HECTD4: variants seen among roughly 807,000 people sequenced by gnomAD.
HECTD4 encodes the protein HECT domain E3 ubiquitin protein ligase 4.
Under a neutral mutation model 471.5 loss-of-function variants are expected in HECTD4, and 114 were observed. The ratio of observed to expected loss-of-function variants is 0.24; its 90% CI spans 0.21 to 0.28. The LOEUF (loss-of-function observed/expected upper bound fraction) is 0.28. Among genes scored for constraint, HECTD4 ranks in the 10% least tolerant of loss-of-function variants. The pLI, the probability that HECTD4 is intolerant of heterozygous loss-of-function variation, is 1.00. For synonymous variants in HECTD4, 2,012 were observed against 2,256.0 expected, an observed-to-expected ratio of 0.89 and a Z score of 3.07; for missense variants, 3,866 against 5,651.5, an observed-to-expected ratio of 0.68 and a Z score of 10.13.
chr12:112,174,005 T>C (rs2137011415), intron 66 of HECTD4, among the ~76,000 whole-genome samples: 1 of 151,964 alleles, frequency 6.6e-6, no homozygotes, highest in Middle Eastern at 3.4e-3. Flanking sequence ...GAGTTGGAGT[T>C]TCACTCTTGT....
At chr12:112,219,235 T>C (rs111308625) in intron 45 of HECTD4, 151 bp downstream of exon 45, 16 of 464,236 alleles carry the variant, frequency 3.4e-5, no homozygotes, top group African/African-American at 2.4e-4. Context: ...GATGAGAGCA[T>C]GGCACCGCAA....
At chr12:112,312,624 G>T (rs1276686612) in intron 4 of HECTD4, among the ~76,000 whole-genome samples, 1 of 152,132 alleles carries the variant, frequency 6.6e-6, no homozygotes, top group African/African-American at 2.4e-5. Flanking sequence ...GGACAGGAGG[G>T]CTCATTAACA....
At chr12:112,325,900 C>A (rs748012470) in intron 1 of HECTD4, among the ~76,000 whole-genome samples, 40 of 151,504 alleles carry the variant, frequency 2.6e-4, no homozygotes, top group Non-Finnish European at 5.6e-4. Context: ...ACGATCATGG[C>A]TCACTGCAGC....
intron 29 of HECTD4, 129 bp from the exon 30 acceptor site, chr12:112,244,138 G>T: frequency 1.3e-6 from 1 of 789,832 alleles, no homozygotes; most frequent in Non-Finnish European, 2.0e-6. Context: ...AATCTAGCTA[G>T]CACAGCATAC....
At chr12:112,201,874 T>C (rs1566070468) in intron 54 of HECTD4, among the ~76,000 whole-genome samples, 1 of 152,228 alleles carries the variant, frequency 6.6e-6, no homozygotes, top group Non-Finnish European at 1.5e-5. Context: ...AGCTCATACA[T>C]ATGTATTTTG....
intron 1 of HECTD4, among the ~76,000 whole-genome samples, chr12:112,346,977 A>C (rs2036163244): frequency 6.6e-6 from 1 of 152,066 alleles, no homozygotes; most frequent in African/African-American, 2.4e-5. Context: ...GTCCCTCCTA[A>C]AGGTATTCAA....
chr12:112,266,012 C>A, intron 14 of HECTD4, 29 bp from the exon 15 acceptor site: 2 of 1,489,900 alleles, frequency 1.3e-6, no homozygotes, highest in South Asian at 2.3e-5. Flanking sequence ...CCATCAACTA[C>A]CCTGGTAATG....
intron 69 of HECTD4, 33 bp from the exon 70 acceptor site, chr12:112,169,691 C>G: frequency 6.2e-7 from 1 of 1,610,022 alleles, no homozygotes; most frequent in Non-Finnish European, 8.5e-7. Context: ...CAAAGCACCC[C>G]GCCGTGGCCG....
At position 112,382,106 on chromosome 12, in the gene HECTD4, G is replaced by T; in HGVS notation, c.23C>A (p.Ala8Glu). 8.2e-7 allele frequency: 1 copy of T among 1,224,084 alleles called. No homozygotes were observed. The highest frequency in any genetic ancestry group is 1.0e-6 in the Non-Finnish European group (1 of 984,626). 75.8% of individuals were successfully genotyped at this position (1,224,084 alleles called of 1,614,324 possible). ...GTCAGCGGCCGCCGCCGCCGCCGCC[G>T]CCGCGGCCGCCGACGAGCCCATGGC... MGSSAAAAAAAAAAADSA... is the reference protein window; with the variant it reads MGSSAAAEAAAAAAADSA... Residue 8 changes from alanine to glutamate, a missense_variant, in exon 1 of 76, where the codon GCG becomes GAG. Around this residue, in one of 16 missense-constraint regions of HECTD4, gnomAD observed 440 missense variants for 636.0 expected, o/e 0.69. Coordinates refer to ENST00000682272, the MANE Select transcript of HECTD4 (RefSeq NM_001388303.1).
At chr12:112,338,051 G>T (rs1420560344) in intron 1 of HECTD4, among the ~76,000 whole-genome samples, 1 of 152,182 alleles carries the variant, frequency 6.6e-6, no homozygotes, top group Non-Finnish European at 1.5e-5. Context: ...CTGGAGGCTA[G>T]AAGTCTGAAA....
intron 1 of HECTD4, among the ~76,000 whole-genome samples, chr12:112,380,616 G>A (rs1314099111): frequency 6.6e-6 from 1 of 151,962 alleles, no homozygotes; most frequent in Non-Finnish European, 1.5e-5. Context: ...GCCCAAATGA[G>A]ACACAATAAA....
chr12:112,233,540 A>G (rs2033434189), intron 37 of HECTD4, among the ~76,000 whole-genome samples: 1 of 152,066 alleles, frequency 6.6e-6, no homozygotes. Context: ...ACTAGCTTTT[A>G]AAATCCACAA....
In HECTD4 at chr12:112,163,680, C is replaced by T; in HGVS notation, c.12759G>A (p.Leu4253=). 2 of 1,522,368 alleles carry T rather than the reference C, an allele frequency of 1.3e-6. No individual in the cohort carries two copies. Among genetic ancestry groups the T allele is most frequent in the South Asian group, 1.2e-5 (1 of 80,024 alleles). 94.3% of individuals were successfully genotyped at this position (1,522,368 alleles called of 1,614,324 possible). A position where few individuals can be genotyped will look rare whatever the true frequency, so the allele number is the denominator to read the frequency against. ...CGGCCGTCACGCACTCCACATTCTG[C>T]AGCTCCCGCAGCCGCAGGCTCCGGA... is the stretch of plus-strand genomic sequence containing the variant. ...AAIRSLRLRE[L]QNVECVTAVR... is the part of the protein sequence containing the mutation. Residue 4253 remains leucine (L), a synonymous_variant, in exon 74 of 76, where the codon CTG becomes CTA. Coordinates refer to ENST00000682272, the MANE Select transcript of HECTD4 (RefSeq NM_001388303.1). The surrounding 1 kb of genome is among the most constrained non-coding windows in gnomAD (Gnocchi z 8.2).
intron 1 of HECTD4, among the ~76,000 whole-genome samples, chr12:112,377,438 G>T (rs1317119240): frequency 6.6e-6 from 1 of 152,114 alleles, no homozygotes; most frequent in Non-Finnish European, 1.5e-5. Context: ...TTGAGGACAA[G>T]GATTTTATTT....
chr12:112,245,247 C>A (rs1003255610), intron 29 of HECTD4, among the ~76,000 whole-genome samples: 1 of 152,210 alleles, frequency 6.6e-6, no homozygotes, highest in East Asian at 1.9e-4. Context: ...AAGCGATCCT[C>A]CTGCCTTGGC....
chr12:112,279,488 C>A (rs2034590391), intron 8 of HECTD4, 102 bp from the exon 9 acceptor site: 3 of 982,008 alleles, frequency 3.1e-6, no homozygotes, highest in African/African-American at 1.7e-5. Context: ...CAAACTCAAA[C>A]AAAGATTTGG....
chr12:112,243,605 C>CA lies in HECTD4; in HGVS notation c.4791+14dup. The stretch of plus-strand genomic sequence containing the variant: ...TTAGGTGCTATTCATCTGGAGCCCG[C>CA]AAAATGTGACGTACAGCTTGGTCAG... On this transcript the variant is annotated intron_variant, in intron 31 of 75. Transcript: ENST00000682272. The surrounding 1 kb of genome is among the most constrained non-coding windows in gnomAD (Gnocchi z 6.6). The CA allele has an allele frequency of 1.2e-6, 2 of 1,607,254 alleles. No homozygotes were observed. Among genetic ancestry groups the CA allele is most frequent in the Non-Finnish European group, 1.7e-6 (2 of 1,176,182 alleles).
At chr12:112,201,103 A>AT (rs762158978) in intron 54 of HECTD4, 3 of 467,076 alleles carry the variant, frequency 6.4e-6, no homozygotes, top group Admixed American at 2.4e-5. Flanking sequence ...ATCTTATTTT[A>AT]TTTTTTTTGA....
intron 59 of HECTD4, among the ~76,000 whole-genome samples, chr12:112,191,241 C>T: frequency 6.6e-6 from 1 of 152,326 alleles, no homozygotes; most frequent in Non-Finnish European, 1.5e-5. Context: ...ACACACTTGT[C>T]ATTCAGTTAG....
Sources: gnomAD v4.1 joint callset for allele counts (sites outside exome capture counted in the v4.1 genomes callset) on GRCh38, gnomAD v4.1.1 for gene constraint, gnomAD v4.1.1 regional missense constraint, Gnocchi (gnomAD v3.1) non-coding constraint, MANE v1.5 for transcripts, NCBI Gene and HGNC (gene_info 2026-07-23, HGNC 2026-07-21) for gene names.